Variants in AADACL3 observed in about 807,000 individuals in gnomAD.
AADACL3 encodes the protein arylacetamide deacetylase like 3.
In AADACL3, 13 loss-of-function variants were observed where a neutral mutation model predicts 13.6. That is an observed-to-expected ratio of 0.95 (90% CI 0.62 to 1.52). The LOEUF is 1.52. Among genes scored for constraint, AADACL3 ranks in the 40% most tolerant of loss-of-function variants. The pLI is 0.00. For synonymous variants in AADACL3, 195 were observed against 197.0 expected (o/e 0.99, Z 0.08); for missense variants, 519 against 499.2 (o/e 1.04, Z -0.38).
In AADACL3 at chr1:12,725,689, C is replaced by A; in HGVS notation, c.917C>A (p.Pro306His). The A allele has an allele frequency of 6.2e-7, 1 of 1,614,088 alleles. No individual in the cohort carries two copies. Among genetic ancestry groups the A allele is most frequent in the East Asian group, 2.2e-5 (1 of 44,876 alleles). The change falls in exon 4 of 4, where the codon CCC becomes CAC. Residue 306 changes from proline (P) to histidine (H), a missense_variant. Transcript: ENST00000359318. ...ERGYQLKPHE[P>H]MNEAAYLEVS... is the part of the protein sequence containing the mutation. The stretch of plus-strand genomic sequence containing the variant: ...GGTTACCAACTGAAGCCCCATGAGC[C>A]CATGAATGAAGCTGCTTACTTGGAA...
Position 12,725,518 on chromosome 1 carries a change from T to C in AADACL3, c.746T>C (p.Ile249Thr), listed in dbSNP as rs368994503. ...ATCCCACTGCTCACCTGGAGTTTCA[T>C]CTGCTACTTTTTTTTTCAAAACCTG... Reference protein sequence around the residue: ...KNIPLLTWSFICYFFFQNLDF... With the variant: ...KNIPLLTWSFTCYFFFQNLDF... The change falls in exon 4 of 4, where the codon ATC becomes ACC. Residue 249 changes from isoleucine (I) to threonine (T), a missense_variant. Transcript: ENST00000359318. 1.2e-6 allele frequency: 2 copies of C among 1,614,178 alleles called. No homozygotes were observed. Among genetic ancestry groups the C allele is most frequent in the Non-Finnish European group, 1.7e-6 (2 of 1,180,048 alleles).
chr1:12,721,454 G>C (rs1380177973), intron 3 of AADACL3, among the ~76,000 whole-genome samples: 1 of 152,126 alleles, frequency 6.6e-6, no homozygotes, highest in East Asian at 1.9e-4. Flanking sequence ...GAGGTGAAGA[G>C]AGATGGAGAG....
At position 12,725,796 on chromosome 1, in the gene AADACL3, G is replaced by A. The variant is rs774957906; in HGVS notation, c.1024G>A (p.Val342Met). The change falls in exon 4 of 4, where the codon GTG becomes ATG. Residue 342 changes from valine (V) to methionine (M), a missense_variant. By Grantham distance (21) the Val-to-Met change is conservative. Coordinates refer to ENST00000359318, the MANE Select transcript of AADACL3 (RefSeq NM_001103170.3). The stretch of plus-strand genomic sequence containing the variant: ...GTCTCAGCTCCCGGAAACCTGCATC[G>A]TGAGCTGTGAGTATGATGCTCTCCG... ...IVSQLPETCI[V>M]SCEYDALRDN... 33 of 1,614,024 alleles carry A rather than the reference G, an allele frequency of 2.0e-5. No homozygotes were observed. The Admixed American group carries it at 3.0e-4, about 15-fold the overall frequency.
At chr1:12,722,497 G>A (rs892343618) in intron 3 of AADACL3, among the ~76,000 whole-genome samples, 3 of 151,918 alleles carry the variant, frequency 2.0e-5, no homozygotes, top group African/African-American at 4.8e-5. Flanking sequence ...CCAAGAGATC[G>A]TCAGTAGAAC....
intron 1 of AADACL3, 112 bp from the exon 2 acceptor site, chr1:12,719,363 C>G (rs1177151880): frequency 1.1e-6 from 1 of 951,452 alleles, no homozygotes; most frequent in African/African-American, 1.6e-5. Context: ...AATCTGACTG[C>G]AGTTTCCAAA....
chr1:12,721,302 C>T (rs931906014), intron 3 of AADACL3, among the ~76,000 whole-genome samples: 5 of 151,792 alleles, frequency 3.3e-5, no homozygotes, highest in South Asian at 2.1e-4. Context: ...CTTGGGAGGC[C>T]GAGGAGGAAG....
chr1:12,718,396 G>A (rs1479281099), intron 1 of AADACL3, among the ~76,000 whole-genome samples: 1 of 151,150 alleles, frequency 6.6e-6, no homozygotes, highest in Non-Finnish European at 1.5e-5. Context: ...CTCAAATGAG[G>A]CCTGCAGCTT....
chr1:12,726,088 G>C lies in AADACL3; in HGVS notation c.*92G>C. ...CTGTTGCTGATTTAGGTGGTGCATA[G>C]TGGGGCTAGGGAGGGGGTAGAGGTT... is the stretch of plus-strand genomic sequence containing the variant. On this transcript the variant is annotated 3_prime_UTR_variant, in exon 4 of 4. Coordinates refer to ENST00000359318, the MANE Select transcript of AADACL3 (RefSeq NM_001103170.3). The C allele has an allele frequency of 7.0e-7, 1 of 1,425,048 alleles. No individual in the cohort carries two copies. Among genetic ancestry groups the C allele is most frequent in the Non-Finnish European group, 9.5e-7 (1 of 1,057,526 alleles). The allele number at this position is 1,425,048 out of a possible 1,614,324, so 88.3% of individuals were successfully genotyped here.
chr1:12,716,882 G>A (rs1007615077), intron 1 of AADACL3, among the ~76,000 whole-genome samples: 7 of 152,144 alleles, frequency 4.6e-5, no homozygotes, highest in African/African-American at 1.2e-4. Flanking sequence ...AAAGGGTAGC[G>A]GATGAGTAGA....
chr1:12,725,454 C>A lies in AADACL3; in HGVS notation c.682C>A (p.Leu228Met), dbSNP rs1204904429. 6 of 1,614,032 alleles carry A rather than the reference C, an allele frequency of 3.7e-6. No homozygotes were observed. The highest frequency in any genetic ancestry group is 1.6e-4 in the Middle Eastern group (1 of 6,062). ...CCTGATCTATGCCATTCTCCAAGCC[C>A]TGGATTTACAAACCCCTTCGTTTCA... Reference protein sequence around the residue: ...QILIYAILQALDLQTPSFQQR... With the variant: ...QILIYAILQAMDLQTPSFQQR... Residue 228 changes from leucine (L) to methionine (M), a missense_variant, in exon 4 of 4, where the codon CTG becomes ATG. Leu to Met is a conservative substitution (Grantham distance 15). Transcript: ENST00000359318.
chr1:12,725,927 G>A lies in AADACL3; in HGVS notation c.1155G>A (p.Met385Ile), dbSNP rs760166304. ...ATGGAGTGCTCAGGACCATTGACAT[G>A]AGCTTCTTGCACTTTCCCTGCTCCA... is the stretch of plus-strand genomic sequence containing the variant. The part of the protein sequence containing the change: ...GFHGVLRTID[M>I]SFLHFPCSMR... Residue 385 changes from methionine (M) to isoleucine (I), a missense_variant, in exon 4 of 4, where the codon ATG becomes ATA. Coordinates refer to ENST00000359318, the MANE Select transcript of AADACL3 (RefSeq NM_001103170.3). The A allele has an allele frequency of 1.9e-6, 3 of 1,614,186 alleles. No individual in the cohort carries two copies. Among genetic ancestry groups the A allele is most frequent in the African/African-American group, 1.3e-5 (1 of 75,046 alleles).
intron 1 of AADACL3, among the ~76,000 whole-genome samples, chr1:12,718,207 CATGTATTTATTTT>C (rs938899914): frequency 2.6e-5 from 4 of 151,790 alleles, no homozygotes; most frequent in African/African-American, 7.2e-5. Flanking sequence ...TTTATAATCC[CATGTATTTATTTT>C]ATGTATTTAA....
In AADACL3 at chr1:12,725,392, T is replaced by C. The variant is rs762817014; in HGVS notation, c.620T>C (p.Val207Ala). 17 of 1,614,164 alleles carry C rather than the reference T, an allele frequency of 1.1e-5. No individual in the cohort carries two copies. The highest frequency in any genetic ancestry group is 1.4e-5 in the Non-Finnish European group (17 of 1,180,034). ...GCCGCAGTGGTTTGTCAACAACTTG[T>C]GGACAGGCCAGATCTGCCCCGGATC... ...AIAAVVCQQLVDRPDLPRIRA... is the reference protein window; with the variant it reads ...AIAAVVCQQLADRPDLPRIRA... Residue 207 changes from valine (V) to alanine (A), a missense_variant, in exon 4 of 4, where the codon GTG becomes GCG. Transcript: ENST00000359318.
rs376918948 is a variant in AADACL3 at position 12,719,529 on chromosome 1, A to T, written c.223A>T (p.Met75Leu). Residue 75 changes from methionine to leucine, a missense_variant, in exon 2 of 4, where the codon ATG (methionine) becomes TTG (leucine). Met to Leu is a conservative substitution (Grantham distance 15). Coordinates refer to ENST00000359318, the MANE Select transcript of AADACL3 (RefSeq NM_001103170.3). ...ICSMPQFFCF[M>L]QDLPPLKYDP... ...TTCTATGCCCCAATTTTTCTGTTTC[A>T]TGCAAGATCTGCCTCCGCTAAAGTA... The T allele has an allele frequency of 6.2e-7, 1 of 1,614,122 alleles. No homozygotes were observed. Among genetic ancestry groups the T allele is most frequent in the Non-Finnish European group, 8.5e-7 (1 of 1,180,002 alleles).
chr1:12,719,353 A>G (rs529205133), intron 1 of AADACL3, 122 bp from the exon 2 acceptor site: 1 of 885,978 alleles, frequency 1.1e-6, no homozygotes, highest in East Asian at 2.4e-5. Context: ...GCTGTAATCC[A>G]ATCTGACTGC....
chr1:12,723,607 A>T (rs1044560873), intron 3 of AADACL3, among the ~76,000 whole-genome samples: 3 of 152,010 alleles, frequency 2.0e-5, no homozygotes, highest in Admixed American at 1.3e-4. Flanking sequence ...TCTCCTGAGT[A>T]GCTGGGACCA....
intron 2 of AADACL3, among the ~76,000 whole-genome samples, chr1:12,720,375 C>T (rs1033316757): frequency 1.3e-4 from 20 of 152,068 alleles, no homozygotes; most frequent in African/African-American, 4.6e-4. Context: ...TAGTAACAGC[C>T]AATATTTATT....
At chr1:12,719,312 G>A (rs1009767121) in intron 1 of AADACL3, among the ~76,000 whole-genome samples, 163 bp from the exon 2 acceptor site, 5 of 152,176 alleles carry the variant, frequency 3.3e-5, no homozygotes, top group Non-Finnish European at 5.9e-5. Context: ...TTTCCTGCAG[G>A]TGTCCTGAGG....
Position 12,726,104 on chromosome 1 carries a change from G to A in AADACL3, c.*108G>A, listed in dbSNP as rs1032978024. The A allele has an allele frequency of 6.9e-5, 87 of 1,257,948 alleles. No individual in the cohort carries two copies. Among genetic ancestry groups the A allele is most frequent in the Admixed American group, 3.9e-4 (15 of 38,272 alleles). 77.9% of individuals were successfully genotyped at this position (1,257,948 alleles called of 1,614,324 possible). On this transcript the variant is annotated 3_prime_UTR_variant, in exon 4 of 4. Transcript: ENST00000359318. Reference sequence around the variant, plus strand: ...TGGTGCATAGTGGGGCTAGGGAGGGGGTAGAGGTTGCTGTCACCTTTCTGG... The same window carrying A: ...TGGTGCATAGTGGGGCTAGGGAGGGAGTAGAGGTTGCTGTCACCTTTCTGG...
Sources: gnomAD v4.1 joint callset for allele counts (sites outside exome capture counted in the v4.1 genomes callset) on GRCh38, gnomAD v4.1.1 for gene constraint, MANE v1.5 for transcripts, NCBI Gene and HGNC (gene_info 2026-07-23, HGNC 2026-07-21) for gene names.